Variants in SYCP2 observed in about 807,000 individuals in gnomAD.
SYCP2 encodes synaptonemal complex lateral element protein.
A neutral mutation model predicts 211.3 loss-of-function variants in SYCP2; 55 were observed. The observed-to-expected ratio is 0.26, with a 90% CI of 0.21 to 0.33. The LOEUF (loss-of-function observed/expected upper bound fraction) is 0.33. Ranked by LOEUF, SYCP2 falls within the 10% of genes least tolerant of loss-of-function variation. SYCP2 has a pLI of 1.00. For synonymous variants in SYCP2, 570 were observed against 555.2 expected (o/e 1.03, Z -0.37); for missense variants, 1,731 against 1,752.0 (o/e 0.99, Z 0.21).
At chr20:59,880,582 G>T in intron 30 of SYCP2, 111 bp from the exon 31 acceptor site, 1 of 595,784 alleles carries the variant, frequency 1.7e-6, no homozygotes, top group South Asian at 3.3e-5. Context: ...ACCCAAAACA[G>T]GAAAACTAAC....
At chr20:59,912,984 CTCTT>C (rs2060361016) in intron 12 of SYCP2, among the ~76,000 whole-genome samples, 1 of 152,188 alleles carries the variant, frequency 6.6e-6, no homozygotes, top group African/African-American at 2.4e-5. Context: ...CCAATTAAAT[CTCTT>C]TCTTTTTTAA....
chr20:59,910,404 A>G (rs1257192456), intron 14 of SYCP2, among the ~76,000 whole-genome samples: 2 of 88,768 alleles, frequency 2.3e-5, no homozygotes, highest in African/African-American at 6.5e-5. Flanking sequence ...TTTTTTTGAG[A>G]CAGTCTCCCA....
chr20:59,915,066 C>G, intron 10 of SYCP2, 99 bp downstream of exon 10: 1 of 774,318 alleles, frequency 1.3e-6, no homozygotes, highest in South Asian at 1.8e-5. Context: ...TTTATAATTC[C>G]CTCAGTCTCA....
At chr20:59,887,058 T>G (rs989441301) in intron 24 of SYCP2, among the ~76,000 whole-genome samples, 1 of 152,120 alleles carries the variant, frequency 6.6e-6, no homozygotes, top group African/African-American at 2.4e-5. Context: ...ACATGCAGAT[T>G]TGTTACACAT....
chr20:59,871,747 G>C (rs1266190708), intron 35 of SYCP2, among the ~76,000 whole-genome samples: 1 of 151,790 alleles, frequency 6.6e-6, no homozygotes, highest in Non-Finnish European at 1.5e-5. Context: ...GTAATCTCTA[G>C]ATTACTTATG....
chr20:59,872,924 T>C (rs2059482158), intron 35 of SYCP2, among the ~76,000 whole-genome samples: 1 of 152,072 alleles, frequency 6.6e-6, no homozygotes, highest in South Asian at 2.1e-4. Context: ...TTACAATATT[T>C]GGTTTAGGTG....
chr20:59,909,128 C>T (rs566666844), intron 14 of SYCP2, among the ~76,000 whole-genome samples: 9 of 152,152 alleles, frequency 5.9e-5, no homozygotes, highest in Middle Eastern at 3.4e-3. Context: ...CCCTTTTGGC[C>T]GATTCTTCAA....
chr20:59,926,845 A>G (rs529816937), intron 2 of SYCP2, among the ~76,000 whole-genome samples: 1 of 152,188 alleles, frequency 6.6e-6, no homozygotes, highest in Non-Finnish European at 1.5e-5. Context: ...TAAGGCAGCA[A>G]TGCCATTACA....
intron 20 of SYCP2, among the ~76,000 whole-genome samples, chr20:59,893,949 C>T: frequency 6.6e-6 from 1 of 151,884 alleles, no homozygotes; most frequent in African/African-American, 2.4e-5. Context: ...TGATATGGTC[C>T]ATTCTTTCTT....
intron 4 of SYCP2, 141 bp from the exon 5 acceptor site, chr20:59,920,628 G>T: frequency 1.5e-6 from 1 of 689,608 alleles, no homozygotes; most frequent in Non-Finnish European, 2.4e-6. Context: ...TATTGCAACA[G>T]ATGAAAATGT....
intron 12 of SYCP2, among the ~76,000 whole-genome samples, chr20:59,912,721 G>A (rs956497055): frequency 6.6e-6 from 1 of 152,132 alleles, no homozygotes; most frequent in Non-Finnish European, 1.5e-5. Context: ...CGTCTTGAAT[G>A]GTACTGTCAT....
chr20:59,883,798 T>C (rs2059733042), intron 26 of SYCP2, among the ~76,000 whole-genome samples: 1 of 152,060 alleles, frequency 6.6e-6, no homozygotes, highest in Non-Finnish European at 1.5e-5. Context: ...GGACTATTAA[T>C]AGTATTGTAT....
chr20:59,921,811 A>G (rs546671131), intron 3 of SYCP2, among the ~76,000 whole-genome samples: 1 of 151,698 alleles, frequency 6.6e-6, no homozygotes, highest in Non-Finnish European at 1.5e-5. Context: ...CCTGACTACT[A>G]ATCTCTTAAC....
chr20:59,906,587 T>A (rs1220730167), intron 15 of SYCP2, among the ~76,000 whole-genome samples: 1 of 152,120 alleles, frequency 6.6e-6, no homozygotes, highest in Admixed American at 6.5e-5. Flanking sequence ...GCTAAAACTA[T>A]AAAATTTTTG....
At position 59,873,996 on chromosome 20, in the gene SYCP2, G is replaced by A; in HGVS notation, c.3415C>T (p.Pro1139Ser). The A allele has an allele frequency of 3.7e-6, 6 of 1,612,746 alleles. No individual in the cohort carries two copies. Among genetic ancestry groups the A allele is most frequent in the Non-Finnish European group, 5.1e-6 (6 of 1,179,224 alleles). The change falls in exon 35 of 45, where the codon CCT (proline) becomes TCT (serine). Residue 1139 changes from proline to serine, a missense_variant. Physicochemically the swap from Pro to Ser is moderately conservative, Grantham distance 74. Transcript: ENST00000357552. ...DYDCITKSIS[P>S]YPKTSSLESL... ...TCAAGTGATGAAGTTTTTGGATAAGGTGATATAGATTTTGTTATGCAGTCA... is the reference window on the plus strand; with the variant it reads ...TCAAGTGATGAAGTTTTTGGATAAGATGATATAGATTTTGTTATGCAGTCA...
At chr20:59,925,999 A>G (rs929747242) in intron 2 of SYCP2, among the ~76,000 whole-genome samples, 2 of 151,798 alleles carry the variant, frequency 1.3e-5, no homozygotes, top group African/African-American at 4.8e-5. Flanking sequence ...TCCTAACCCC[A>G]CCTCCTAGTA....
chr20:59,903,223 G>T (rs1600917655), intron 15 of SYCP2, among the ~76,000 whole-genome samples: 1 of 151,990 alleles, frequency 6.6e-6, no homozygotes, highest in African/African-American at 2.4e-5. Context: ...ATAATGGCTT[G>T]GTTTCCTTTT....
chr20:59,932,989 C>T (rs1260418718), intron 1 of SYCP2, among the ~76,000 whole-genome samples: 2 of 151,518 alleles, frequency 1.3e-5, no homozygotes, highest in Non-Finnish European at 2.9e-5. Flanking sequence ...CTCCCACCGC[C>T]GGCACGGTGA....
chr20:59,921,410 A>T lies in SYCP2; in HGVS notation c.68T>A (p.Phe23Tyr), dbSNP rs369935204. ...TTGCAAAAGTGTTTTCAAAGGTTTG[A>T]AATCATTTTTTCTTAAAGCATCATC... Reference protein sequence around the residue: ...CIDDALRKNDFKPLKTLLQID... With the variant: ...CIDDALRKNDYKPLKTLLQID... The change falls in exon 4 of 45, where the codon TTC becomes TAC. Residue 23 changes from phenylalanine (F) to tyrosine (Y), a missense_variant. By Grantham distance (22) the Phe-to-Tyr change is conservative (BLOSUM62 3). This residue lies in a region of SYCP2 where 335 missense variants were observed against 378.8 expected (regional missense o/e 0.88). Transcript: ENST00000357552. 6.2e-7 allele frequency: 1 copy of T among 1,605,504 alleles called. No homozygotes were observed. The highest frequency in any genetic ancestry group is 8.5e-7 in the Non-Finnish European group (1 of 1,175,100).
Sources: allele counts gnomAD v4.1 joint callset (sites outside exome capture counted in the v4.1 genomes callset), GRCh38; gene constraint gnomAD v4.1.1; regional missense constraint gnomAD v4.1.1; transcripts MANE v1.5; gene names NCBI Gene and HGNC (gene_info 2026-07-23, HGNC 2026-07-21).